The following SOX5 variants were observed in gnomAD, a reference collection of about 807,000 sequenced individuals.
SOX5 encodes the protein transcription factor SOX-5.
Under a neutral mutation model 92.0 loss-of-function variants are expected in SOX5, and 9 were observed. That is an observed-to-expected ratio of 0.10 (90% CI 0.06 to 0.17). SOX5 has a LOEUF of 0.17. Ranked by LOEUF, SOX5 falls within the 10% of genes least tolerant of loss-of-function variation. The pLI is 1.00. For synonymous variants in SOX5, 344 were observed against 336.3 expected (o/e 1.02, Z -0.25); for missense variants, 642 against 944.5 (o/e 0.68, Z 4.20).
intron 3 of SOX5, among the ~76,000 whole-genome samples, chr12:24,271,948 A>T (rs1943799767): frequency 6.7e-6 from 1 of 149,312 alleles, no homozygotes; most frequent in Admixed American, 6.8e-5. Context: ...TTCACATTTT[A>T]GAATTAACTT....
chr12:23,601,843 GAGC>G, intron 9 of SOX5, among the ~76,000 whole-genome samples: 1 of 152,196 alleles, frequency 6.6e-6, no homozygotes, highest in Non-Finnish European at 1.5e-5. Flanking sequence ...TTTTACTGCT[GAGC>G]TAAAACACAA....
At chr12:24,239,795 C>G (rs1406150716) in intron 3 of SOX5, among the ~76,000 whole-genome samples, 1 of 152,162 alleles carries the variant, frequency 6.6e-6, no homozygotes, top group Non-Finnish European at 1.5e-5. Flanking sequence ...AGTATAGGGT[C>G]TGAAGACATT....
At chr12:23,942,968 G>A (rs538671250) in intron 1 of SOX5, among the ~76,000 whole-genome samples, 15 of 152,118 alleles carry the variant, frequency 9.9e-5, no homozygotes, top group South Asian at 2.1e-4. Context: ...AAGTTTCAAC[G>A]GATTTGCTGC....
intron 3 of SOX5, among the ~76,000 whole-genome samples, chr12:24,269,839 A>ATT (rs56939628): frequency 0.037 from 2,312 of 62,096 alleles, 203 homozygotes; most frequent in African/African-American, 0.077. Context: ...CCACCATGCA[A>ATT]TTTTTTTTTT....
At chr12:23,573,693 CTCTTA>C (rs1948713832) in intron 10 of SOX5, among the ~76,000 whole-genome samples, 1 of 152,118 alleles carries the variant, frequency 6.6e-6, no homozygotes, top group South Asian at 2.1e-4. Context: ...CTTAATGATT[CTCTTA>C]TAAGAAACAG....
At chr12:24,369,805 A>G (rs1956542765) in intron 1 of SOX5, among the ~76,000 whole-genome samples, 1 of 152,242 alleles carries the variant, frequency 6.6e-6, no homozygotes, top group Non-Finnish European at 1.5e-5. Flanking sequence ...CTTGACACTA[A>G]CAATAGAGTT....
chr12:24,129,681 G>A (rs957395535), intron 4 of SOX5, among the ~76,000 whole-genome samples: 7 of 152,186 alleles, frequency 4.6e-5, no homozygotes, highest in African/African-American at 1.7e-4. Flanking sequence ...TCAACCAGAA[G>A]AATACAAAAG....
intron 6 of SOX5, among the ~76,000 whole-genome samples, chr12:23,716,326 G>T (rs1243239603): frequency 2.0e-5 from 3 of 152,130 alleles, no homozygotes; most frequent in Non-Finnish European, 4.4e-5. Context: ...TAATGATTTT[G>T]TCAGAAAACA....
intron 8 of SOX5, among the ~76,000 whole-genome samples, chr12:23,640,379 G>A (rs2079890802): frequency 2.0e-5 from 3 of 152,194 alleles, no homozygotes; most frequent in Admixed American, 2.0e-4. Flanking sequence ...GTATTAGCAA[G>A]AGAACAAAGA....
intron 4 of SOX5, among the ~76,000 whole-genome samples, chr12:24,158,528 A>G (rs2138946547): frequency 6.6e-6 from 1 of 152,122 alleles, no homozygotes; most frequent in South Asian, 2.1e-4. Flanking sequence ...ATGCCATTAA[A>G]CGTAGCTTTG....
At chr12:23,764,995 G>A (rs1194656906) in intron 3 of SOX5, among the ~76,000 whole-genome samples, 2 of 152,028 alleles carry the variant, frequency 1.3e-5, no homozygotes, top group Admixed American at 6.6e-5. Context: ...CAAAGATTGT[G>A]ATATGCAGGT....
intron 11 of SOX5, among the ~76,000 whole-genome samples, chr12:23,555,606 G>C (rs1945022469): frequency 6.6e-6 from 1 of 152,166 alleles, no homozygotes; most frequent in South Asian, 2.1e-4. Flanking sequence ...CTGAAAGCAG[G>C]CTATACTAAG....
chr12:24,081,776 C>T (rs1208189472), intron 4 of SOX5, among the ~76,000 whole-genome samples: 1 of 151,930 alleles, frequency 6.6e-6, no homozygotes, highest in Admixed American at 6.6e-5. Context: ...GAATTGAGGT[C>T]ACTGCAAGAC....
At chr12:23,697,419 G>A (rs2090030472) in intron 6 of SOX5, among the ~76,000 whole-genome samples, 1 of 151,980 alleles carries the variant, frequency 6.6e-6, no homozygotes, top group South Asian at 2.1e-4. Flanking sequence ...ATATCTTTTT[G>A]CATTAACCTG....
At chr12:23,588,841 T>C (rs1951118083) in intron 9 of SOX5, among the ~76,000 whole-genome samples, 1 of 151,876 alleles carries the variant, frequency 6.6e-6, no homozygotes, top group Admixed American at 6.6e-5. Flanking sequence ...AGTGGTCCCA[T>C]AAGATTATAA....
chr12:24,095,216 G>C (rs1027845261), intron 4 of SOX5, among the ~76,000 whole-genome samples: 2 of 150,020 alleles, frequency 1.3e-5, no homozygotes, highest in African/African-American at 4.9e-5. Context: ...AATTATTGCA[G>C]AAAAAAATGG....
At chr12:24,507,602 C>T (rs1178863594) in intron 1 of SOX5, among the ~76,000 whole-genome samples, 1 of 151,976 alleles carries the variant, frequency 6.6e-6, no homozygotes, top group Non-Finnish European at 1.5e-5. Flanking sequence ...GACTTTTTTG[C>T]AACAACTTAG....
At chr12:24,191,615 G>A (rs1278243180) in intron 4 of SOX5, among the ~76,000 whole-genome samples, 1 of 152,166 alleles carries the variant, frequency 6.6e-6, no homozygotes, top group East Asian at 1.9e-4. Flanking sequence ...TCCACATGTT[G>A]CTATAATCTG....
At chr12:23,935,922 T>C (rs1942445420) in intron 1 of SOX5, among the ~76,000 whole-genome samples, 1 of 151,102 alleles carries the variant, frequency 6.6e-6, no homozygotes, top group Non-Finnish European at 1.5e-5. Flanking sequence ...AGAGGGATAA[T>C]TAGAGTTTGA....
Sources: allele counts gnomAD v4.1 joint callset (sites outside exome capture counted in the v4.1 genomes callset), GRCh38; gene constraint gnomAD v4.1.1; transcripts MANE v1.5; gene names NCBI Gene and HGNC (gene_info 2026-07-23, HGNC 2026-07-21).